The following MOV10L1 variants were observed in gnomAD, a reference collection of about 807,000 sequenced individuals.
MOV10L1 encodes Mov10 like RNA helicase 1.
A neutral mutation model predicts 143.8 loss-of-function variants in MOV10L1; 110 were observed. The ratio of observed to expected loss-of-function variants is 0.76; its 90% CI spans 0.66 to 0.90. The LOEUF is 0.90. Ranked by LOEUF, MOV10L1 falls within the 40% of genes least tolerant of loss-of-function variation. MOV10L1 has a pLI of 0.00. For missense variants in MOV10L1, 1,406 were observed against 1,526.8 expected (o/e 0.92, Z 1.32); for synonymous variants, 593 against 581.1 (o/e 1.02, Z -0.29).
chr22:50,097,556 T>G (rs2062620427), intron 2 of MOV10L1, among the ~76,000 whole-genome samples: 1 of 152,220 alleles, frequency 6.6e-6, no homozygotes, highest in Non-Finnish European at 1.5e-5. Context: ...CAAAAATCAA[T>G]TGACTGCACA....
chr22:50,157,796 G>A (rs1021935112), intron 22 of MOV10L1, among the ~76,000 whole-genome samples: 2 of 145,274 alleles, frequency 1.4e-5, no homozygotes, highest in African/African-American at 5.0e-5. Context: ...AGAAATACCA[G>A]CCAGCCCTCC....
At chr22:50,148,580 C>A (rs1438145066) in intron 19 of MOV10L1, among the ~76,000 whole-genome samples, 1 of 152,150 alleles carries the variant, frequency 6.6e-6, no homozygotes, top group Non-Finnish European at 1.5e-5. Flanking sequence ...AGGAGGGCTG[C>A]TCTGTAGCTG....
At chr22:50,136,762 A>C (rs2147300605) in intron 15 of MOV10L1, among the ~76,000 whole-genome samples, 1 of 152,300 alleles carries the variant, frequency 6.6e-6, no homozygotes, top group African/African-American at 2.4e-5. Context: ...TTCCTTCTTG[A>C]GTTTTCAGCT....
chr22:50,118,348 A>G (rs2062239850), intron 9 of MOV10L1, among the ~76,000 whole-genome samples: 3 of 152,108 alleles, frequency 2.0e-5, no homozygotes, highest in Admixed American at 2.0e-4. Context: ...TGAAGATTGA[A>G]TGAGGTCAGA....
At position 50,144,834 on chromosome 22, in the gene MOV10L1, G is replaced by A. The variant is rs567199148; in HGVS notation, c.2505+591G>A. ...CTGACCTCATGATCTGCCCGCCTCG[G>A]CCTCCCAAAGTGCTGGGATTACAGG... On this transcript the variant is annotated intron_variant, in intron 18 of 26. Coordinates refer to ENST00000262794, the MANE Select transcript of MOV10L1 (RefSeq NM_018995.3). Among the ~76,000 whole-genome samples, 139 of 152,294 alleles carry A rather than the reference G, an allele frequency of 9.1e-4. 1 individual carries two copies. The highest frequency in any genetic ancestry group is 3.1e-3 in the African/African-American group (129 of 41,574).
At chr22:50,157,139 C>T (rs1396249380) in intron 22 of MOV10L1, among the ~76,000 whole-genome samples, 1 of 152,154 alleles carries the variant, frequency 6.6e-6, no homozygotes, top group Non-Finnish European at 1.5e-5. Context: ...ACCTGTTGGC[C>T]ATTTGTATGT....
intron 20 of MOV10L1, 137 bp from the exon 21 acceptor site, chr22:50,150,598 T>C (rs2063271591): frequency 2.1e-6 from 2 of 970,188 alleles, no homozygotes; most frequent in South Asian, 3.3e-5. Flanking sequence ...TTCCCTGGTC[T>C]CCCAGTCCCT....
intron 13 of MOV10L1, among the ~76,000 whole-genome samples, chr22:50,133,089 G>A (rs1299533788): frequency 8.6e-5 from 13 of 151,956 alleles, no homozygotes; most frequent in African/African-American, 2.4e-4. Flanking sequence ...TGGATGCTGT[G>A]TATTTGTTTT....
In MOV10L1 at chr22:50,160,571, A is replaced by C. The variant is rs2063532433; in HGVS notation, c.3325-117A>C. 7.4e-6 allele frequency: 10 copies of C among 1,353,800 alleles called. No homozygotes were observed. The Admixed American group carries it at 1.0e-4, about 14-fold the overall frequency. 83.9% of individuals were successfully genotyped at this position (1,353,800 alleles called of 1,614,324 possible). On this transcript the variant is annotated intron_variant, in intron 24 of 26. Transcript: ENST00000262794. ...CCGGCCTCCTGTTTCTTTTTGAACCAAAAATGAGGTCATTCTGCTATTTAA... is the reference window on the plus strand; with the variant it reads ...CCGGCCTCCTGTTTCTTTTTGAACCCAAAATGAGGTCATTCTGCTATTTAA...
chr22:50,123,304 T>A (rs6010177), intron 10 of MOV10L1, among the ~76,000 whole-genome samples: 74 of 152,288 alleles, frequency 4.9e-4, no homozygotes, highest in African/African-American at 1.6e-3. Context: ...GATTTTCAAA[T>A]GTTGAACTAT....
chr22:50,102,816 G>C (rs1011942376), intron 3 of MOV10L1, among the ~76,000 whole-genome samples: 1 of 152,054 alleles, frequency 6.6e-6, no homozygotes, highest in Non-Finnish European at 1.5e-5. Context: ...CAGGAGAATC[G>C]CTTGAACCTG....
chr22:50,150,940 C>T, intron 21 of MOV10L1, 41 bp downstream of exon 21: 1 of 1,611,520 alleles, frequency 6.2e-7, no homozygotes, highest in Middle Eastern at 1.7e-4. Context: ...CCCAGCTAAG[C>T]AGACACAGGC....
chr22:50,149,817 A>T, intron 20 of MOV10L1, 103 bp downstream of exon 20: 1 of 1,071,246 alleles, frequency 9.3e-7, no homozygotes, highest in Non-Finnish European at 1.4e-6. Context: ...TACAGGGGTC[A>T]GGTGGAAGTG....
Position 50,158,008 on chromosome 22 carries a change from T to G in MOV10L1, c.3067-49T>G. On this transcript the variant is annotated intron_variant, in intron 22 of 26. Coordinates refer to ENST00000262794, the MANE Select transcript of MOV10L1 (RefSeq NM_018995.3). This position sits in a 1 kb window ranked among gnomAD's most constrained non-coding sequence, Gnocchi z 5.0. The stretch of plus-strand genomic sequence containing the variant: ...CTTCAGCTCCTGGATTGTAGCCTTC[T>G]GGTGAATATTCATGAAGTAAAGTAG... The G allele has an allele frequency of 6.3e-7, 1 of 1,576,536 alleles. No individual in the cohort carries two copies. Among genetic ancestry groups the G allele is most frequent in the Non-Finnish European group, 8.6e-7 (1 of 1,158,382 alleles).
rs142052306 is a variant in MOV10L1, at chr22:50,115,195, G to T, written c.1208G>T (p.Gly403Val). ...RKQMTEPEPG[G>V]LVPPGGKTFI... ...CAGATGACAGAGCCTGAGCCTGGGG[G>T]GCTTGTCCCTCCAGGGGGAAAAACC... Residue 403 changes from glycine (G) to valine (V), a missense_variant, in exon 8 of 27, where the codon GGG becomes GTG. Physicochemically the swap from Gly to Val is moderately radical, Grantham distance 109. Coordinates refer to ENST00000262794, the MANE Select transcript of MOV10L1 (RefSeq NM_018995.3). The T allele has an allele frequency of 1.3e-6, 2 of 1,556,044 alleles. No homozygotes were observed. The highest frequency in any genetic ancestry group is 1.2e-5 in the South Asian group (1 of 80,834).
At position 50,158,059 on chromosome 22, in the gene MOV10L1, C is replaced by A; in HGVS notation, c.3069C>A (p.Gly1023=). ...GFPLIFHGVR[G]SEAREGKSPS... Reference sequence around the variant, plus strand: ...GTTTTCTCTCCTCATCAACCCAGGGCAGCGAGGCACGGGAGGGAAAAAGCC... The same window carrying A: ...GTTTTCTCTCCTCATCAACCCAGGGAAGCGAGGCACGGGAGGGAAAAAGCC... Residue 1023 remains glycine (G), a splice_region_variant and synonymous_variant, in exon 23 of 27, where the codon GGC becomes GGA. Coordinates refer to ENST00000262794, the MANE Select transcript of MOV10L1 (RefSeq NM_018995.3). The surrounding 1 kb of genome is among the most constrained non-coding windows in gnomAD (Gnocchi z 5.0). 1 of 1,612,886 alleles carries A rather than the reference C, an allele frequency of 6.2e-7. No individual in the cohort carries two copies. Among genetic ancestry groups the A allele is most frequent in the South Asian group, 1.1e-5 (1 of 90,968 alleles).
intron 12 of MOV10L1, 46 bp downstream of exon 12, chr22:50,126,318 T>C: frequency 6.9e-7 from 1 of 1,453,324 alleles, no homozygotes; most frequent in East Asian, 2.3e-5. Context: ...CACACCCTTC[T>C]GACCGGTTGG....
rs528696940 is a variant in MOV10L1, at chr22:50,111,841, C to G, written c.744-1807C>G. 2.0e-5 allele frequency among the ~76,000 whole-genome samples: 3 copies of G among 152,268 alleles called. No individual in the cohort carries two copies. The East Asian group carries it at 5.8e-4, about 29-fold the overall frequency. ...TTCTTTTCACACTCCTCACTCACCACCAGTGAGCTTCTGAGACATCTCCTC... is the reference window on the plus strand; with the variant it reads ...TTCTTTTCACACTCCTCACTCACCAGCAGTGAGCTTCTGAGACATCTCCTC... On this transcript the variant is annotated intron_variant, in intron 5 of 26. Transcript: ENST00000262794.
In MOV10L1 at chr22:50,158,211, G is replaced by A. The variant is rs764959462; in HGVS notation, c.3216+5G>A. On this transcript the variant is annotated splice_donor_5th_base_variant and intron_variant, in intron 23 of 26. Transcript: ENST00000262794. The surrounding 1 kb of genome is among the most constrained non-coding windows in gnomAD (Gnocchi z 5.0). Reference sequence around the variant, plus strand: ...ATCACGCCCTACCGGAAGCAGGTACGCCCTGCCCAGGCACGCCTGGTTCTG... The same window carrying A: ...ATCACGCCCTACCGGAAGCAGGTACACCCTGCCCAGGCACGCCTGGTTCTG... 1.8e-5 allele frequency: 29 copies of A among 1,613,882 alleles called. No homozygotes were observed. The highest frequency in any genetic ancestry group is 1.6e-4 in the Middle Eastern group (1 of 6,078).
Sources: gnomAD v4.1 joint callset for allele counts (sites outside exome capture counted in the v4.1 genomes callset) on GRCh38, gnomAD v4.1.1 for gene constraint, Gnocchi (gnomAD v3.1) non-coding constraint, MANE v1.5 for transcripts, NCBI Gene and HGNC (gene_info 2026-07-23, HGNC 2026-07-21) for gene names.